Variants in FANCC observed in about 807,000 individuals in gnomAD.
The protein encoded by FANCC is Fanconi anemia group C protein.
Under a neutral mutation model 71.3 loss-of-function variants are expected in FANCC, and 55 were observed. The observed-to-expected ratio is 0.77, with a 90% CI of 0.62 to 0.97. The LOEUF (loss-of-function observed/expected upper bound fraction) is 0.97, where lower values mean the gene tolerates loss of function less well. FANCC is among the 50% of genes least tolerant of loss of function. The probability of loss-of-function intolerance (pLI) is 0.00; values close to 1 mark genes in which losing one functional copy is unlikely to be tolerated. For missense variants in FANCC, 678 were observed against 670.9 expected, an observed-to-expected ratio of 1.01 and a Z score of -0.12; for synonymous variants, 275 against 244.9, an observed-to-expected ratio of 1.12 and a Z score of -1.15.
At chr9:95,197,660 C>A (rs1215405795) in intron 4 of FANCC, among the ~76,000 whole-genome samples, 1 of 152,172 alleles carries the variant, frequency 6.6e-6, no homozygotes, top group Non-Finnish European at 1.5e-5. Context: ...TTGCACATGG[C>A]CCTCACAGTC....
chr9:95,193,680 C>T (rs1380604876), intron 4 of FANCC, among the ~76,000 whole-genome samples: 5 of 152,114 alleles, frequency 3.3e-5, no homozygotes, highest in African/African-American at 7.2e-5. Flanking sequence ...AAAGTAACTG[C>T]GGTTTTTGCC....
chr9:95,263,525 TATATAG>T (rs972408059), intron 1 of FANCC, among the ~76,000 whole-genome samples: 3 of 140,136 alleles, frequency 2.1e-5, no homozygotes, highest in African/African-American at 7.7e-5. Context: ...TATCTATATA[TATATAG>T]ATATAGATAG....
chr9:95,203,290 T>C (rs1489389674), intron 4 of FANCC, among the ~76,000 whole-genome samples: 1 of 147,506 alleles, frequency 6.8e-6, no homozygotes, highest in East Asian at 2.0e-4. Flanking sequence ...TTCCAGCTAC[T>C]TGGAAGGCTG....
intron 4 of FANCC, among the ~76,000 whole-genome samples, chr9:95,191,242 C>T (rs1269467404): frequency 1.3e-5 from 2 of 151,944 alleles, no homozygotes; most frequent in Non-Finnish European, 2.9e-5. Flanking sequence ...CCTGAGTGCT[C>T]CCTCCTATGG....
chr9:95,123,525 T>C (rs775952486), intron 10 of FANCC: 2 of 503,664 alleles, frequency 4.0e-6, no homozygotes, highest in Non-Finnish European at 7.9e-6. Context: ...TCCAATATGA[T>C]GAAAAAAAGA....
At chr9:95,232,861 G>A (rs796874842) in intron 4 of FANCC, among the ~76,000 whole-genome samples, 63 of 152,286 alleles carry the variant, frequency 4.1e-4, no homozygotes, top group African/African-American at 1.5e-3. Flanking sequence ...ATGACCAACA[G>A]CAACTTCAGG....
At chr9:95,164,050 A>T (rs764316649) in intron 6 of FANCC, among the ~76,000 whole-genome samples, 1 of 152,132 alleles carries the variant, frequency 6.6e-6, no homozygotes, top group Non-Finnish European at 1.5e-5. Flanking sequence ...ATTGTTTTTA[A>T]ACTTCCTTTT....
intron 6 of FANCC, among the ~76,000 whole-genome samples, chr9:95,165,185 T>C (rs191997533): frequency 6.6e-6 from 1 of 151,912 alleles, no homozygotes; most frequent in African/African-American, 2.4e-5. Context: ...GTCTAAGGAA[T>C]TGTCAATTTT....
chr9:95,313,232 G>A (rs1398610235), intron 1 of FANCC, among the ~76,000 whole-genome samples: 2 of 152,198 alleles, frequency 1.3e-5, no homozygotes, highest in Non-Finnish European at 2.9e-5. Context: ...GGGAGCTAGC[G>A]CTGGCAAAGC....
At chr9:95,272,181 G>A (rs1432448988) in intron 1 of FANCC, among the ~76,000 whole-genome samples, 3 of 151,310 alleles carry the variant, frequency 2.0e-5, no homozygotes, top group African/African-American at 4.9e-5. Flanking sequence ...CTCGTGATTC[G>A]CCTGCCTTGG....
chr9:95,145,411 T>G (rs896388828), intron 7 of FANCC: 5 of 152,218 alleles, frequency 3.3e-5, no homozygotes, highest in African/African-American at 7.2e-5. Flanking sequence ...GTATGTGTTC[T>G]TGAACAGGCG....
intron 1 of FANCC, among the ~76,000 whole-genome samples, chr9:95,299,811 T>C (rs1834610957): frequency 6.6e-6 from 1 of 152,204 alleles, no homozygotes; most frequent in Admixed American, 6.5e-5. Context: ...TAGTGAGCCA[T>C]GTCCGCATCA....
intron 4 of FANCC, among the ~76,000 whole-genome samples, chr9:95,188,590 T>G (rs996315642): frequency 6.6e-6 from 1 of 152,222 alleles, no homozygotes. Flanking sequence ...ATTGCTCCTG[T>G]CCATAATTTC....
intron 4 of FANCC, among the ~76,000 whole-genome samples, chr9:95,223,448 G>A (rs568399915): frequency 6.6e-6 from 1 of 152,144 alleles, no homozygotes; most frequent in East Asian, 1.9e-4. Context: ...TGTTGATTAG[G>A]GTCCACCTTA....
At position 95,240,764 on chromosome 9, in the gene FANCC, TAA is replaced by T. The variant is rs757538641; in HGVS notation, c.251-23_251-22del. The T allele has an allele frequency of 3.3e-5, 47 of 1,418,682 alleles. No homozygotes were observed. In the East Asian group the frequency reaches 1.1e-3, roughly 32 times the overall value. The allele number at this position is 1,418,682 out of a possible 1,614,324, so 87.9% of individuals were successfully genotyped here. The stretch of plus-strand genomic sequence containing the variant: ...TTCATCTACAAAAAGGAAAACTTAA[TAA>T]GTTTTATCAAGCAGAAAAAATCATT... On this transcript the variant is annotated intron_variant, in intron 3 of 14. Coordinates refer to ENST00000289081, the MANE Select transcript of FANCC (RefSeq NM_000136.3).
intron 1 of FANCC, among the ~76,000 whole-genome samples, chr9:95,279,446 C>T (rs560670328): frequency 2.6e-5 from 4 of 151,008 alleles, no homozygotes; most frequent in African/African-American, 9.7e-5. Context: ...TCAACAGTGG[C>T]AGTGAGCCAT....
chr9:95,115,732 G>A (rs988891349), intron 11 of FANCC, among the ~76,000 whole-genome samples: 5 of 152,148 alleles, frequency 3.3e-5, no homozygotes, highest in Non-Finnish European at 5.9e-5. Context: ...CAAGGCCAGC[G>A]CCTCCCTCCT....
chr9:95,138,335 T>C (rs771965419), intron 7 of FANCC, among the ~76,000 whole-genome samples: 1 of 152,180 alleles, frequency 6.6e-6, no homozygotes, highest in South Asian at 2.1e-4. Context: ...CCTGTGCTTA[T>C]GCCCCTTGTG....
chr9:95,176,479 C>T (rs552317251), intron 4 of FANCC, among the ~76,000 whole-genome samples: 1 of 152,338 alleles, frequency 6.6e-6, no homozygotes, highest in East Asian at 1.9e-4. Context: ...TATGTCCAAT[C>T]CCCTCTGCCT....
Sources: gnomAD v4.1 joint callset for allele counts (sites outside exome capture counted in the v4.1 genomes callset) on GRCh38, gnomAD v4.1.1 for gene constraint, MANE v1.5 for transcripts, NCBI Gene and HGNC (gene_info 2026-07-23, HGNC 2026-07-21) for gene names.